Variants in SYNE2 observed in about 807,000 individuals in gnomAD.
SYNE2 encodes the protein spectrin repeat containing nuclear envelope protein 2, also known as nesprin-2.
SYNE2 carries 431 observed loss-of-function variants against 856.3 expected under a neutral mutation model. The observed-to-expected ratio is 0.50, with a 90% CI of 0.47 to 0.55. SYNE2 has a LOEUF of 0.55. Ranked by LOEUF, SYNE2 falls within the 20% of genes least tolerant of loss-of-function variation. The pLI is 0.00. For synonymous variants in SYNE2, 2,923 were observed against 2,872.3 expected (o/e 1.02, Z -0.56); for missense variants, 8,129 against 8,023.2 (o/e 1.01, Z -0.50).
chr14:63,935,126 A>G (rs1408075035), intron 2 of SYNE2, among the ~76,000 whole-genome samples: 2 of 152,144 alleles, frequency 1.3e-5, no homozygotes, highest in Non-Finnish European at 2.9e-5. Context: ...GATTTAGTAT[A>G]GTTTTGAATT....
chr14:64,091,432 G>A (rs1173927097), intron 60 of SYNE2, among the ~76,000 whole-genome samples: 3 of 152,188 alleles, frequency 2.0e-5, no homozygotes, highest in South Asian at 2.1e-4. Flanking sequence ...ATTACCAAAC[G>A]TGATGTAGGT....
At chr14:63,880,907 T>C (rs4902252) in intron 1 of SYNE2, among the ~76,000 whole-genome samples, 93,983 of 150,394 alleles carry the variant, frequency 0.62, 29,458 homozygotes, top group South Asian at 0.72. Flanking sequence ...AGTGCAGTGG[T>C]GCGATGTCGG....
At chr14:63,858,661 T>C (rs1244965259) in intron 1 of SYNE2, among the ~76,000 whole-genome samples, 1 of 152,152 alleles carries the variant, frequency 6.6e-6, no homozygotes, top group Admixed American at 6.5e-5. Flanking sequence ...TTATAACCTA[T>C]CACCTGATAA....
At chr14:64,195,812 G>A (rs1416469432) in intron 99 of SYNE2, among the ~76,000 whole-genome samples, 3 of 152,206 alleles carry the variant, frequency 2.0e-5, no homozygotes, top group Non-Finnish European at 2.9e-5. Flanking sequence ...ACTTGCGTTG[G>A]TCTTAGCAGG....
chr14:63,809,535 G>T (rs375688058), intron 1 of SYNE2, among the ~76,000 whole-genome samples: 2 of 152,258 alleles, frequency 1.3e-5, no homozygotes, highest in Admixed American at 1.3e-4. Context: ...GCTGGAGTGC[G>T]GGGGCATGAT....
At position 64,216,319 on chromosome 14, in the gene SYNE2, C is replaced by A; in HGVS notation, c.19474C>A (p.Gln6492Lys). 4 of 1,614,188 alleles carry A rather than the reference C, an allele frequency of 2.5e-6. No homozygotes were observed. The highest frequency in any genetic ancestry group is 3.4e-6 in the Non-Finnish European group (4 of 1,180,038). Reference protein sequence around the residue: ...SPSCPEHHYKQMEGDRNVPPV... With the variant: ...SPSCPEHHYKKMEGDRNVPPV... Reference sequence around the variant, plus strand: ...TTCCTGTCCCGAGCATCACTACAAGCAAATGGAAGGTGACAGGAATGTTCC... The same window carrying A: ...TTCCTGTCCCGAGCATCACTACAAGAAAATGGAAGGTGACAGGAATGTTCC... Residue 6492 changes from glutamine (Q) to lysine (K), a missense_variant, in exon 108 of 116, where the codon CAA becomes AAA. This residue lies in a region of SYNE2 where 5,410 missense variants were observed against 5,284.8 expected (regional missense o/e 1.02). Coordinates refer to ENST00000555002, the MANE Select transcript of SYNE2 (RefSeq NM_182914.3).
rs370072980 is a variant in SYNE2 at position 64,162,018 on chromosome 14, C to A, written c.16095-54C>A. The A allele has an allele frequency of 2.9e-4, 471 of 1,600,098 alleles. 5 individuals are homozygous for A. In the East Asian group the frequency reaches 4.9e-3, roughly 17 times the overall value. On this transcript the variant is annotated intron_variant, in intron 87 of 115. Coordinates refer to ENST00000555002, the MANE Select transcript of SYNE2 (RefSeq NM_182914.3). ...CAGTAGAGTGTGTGCATTGTACTTT[C>A]GCTACAAGAGAAAGGAGAGAATGAG... is the stretch of plus-strand genomic sequence containing the variant.
chr14:64,162,440 G>T, intron 88 of SYNE2, 164 bp downstream of exon 88: 1 of 757,098 alleles, frequency 1.3e-6, no homozygotes, highest in Non-Finnish European at 2.3e-6. Context: ...AGGACCAGGT[G>T]GTGGCTCAGA....
chr14:63,822,890 T>C (rs1889275805), intron 1 of SYNE2, among the ~76,000 whole-genome samples: 1 of 152,084 alleles, frequency 6.6e-6, no homozygotes, highest in Non-Finnish European at 1.5e-5. Flanking sequence ...GATCACTTGA[T>C]GCCAGGAGTT....
chr14:64,211,760 C>T (rs1332000518), intron 103 of SYNE2, among the ~76,000 whole-genome samples: 1 of 152,182 alleles, frequency 6.6e-6, no homozygotes, highest in Admixed American at 6.5e-5. Flanking sequence ...GTTGAGGGGG[C>T]TTGTTTGGTC....
intron 99 of SYNE2, among the ~76,000 whole-genome samples, chr14:64,201,812 A>T (rs543058946): frequency 1.3e-5 from 2 of 152,166 alleles, no homozygotes; most frequent in Non-Finnish European, 2.9e-5. Flanking sequence ...GCATCTCCCA[A>T]CGTAAGTATT....
chr14:64,211,785 C>G (rs2098642576), intron 103 of SYNE2, among the ~76,000 whole-genome samples, 176 bp from the exon 104 acceptor site: 1 of 152,212 alleles, frequency 6.6e-6, no homozygotes, highest in Non-Finnish European at 1.5e-5. Context: ...AAAGCCAGAA[C>G]CAGACCCCAG....
chr14:63,784,221 G>T (rs1293547515), intron 1 of SYNE2, among the ~76,000 whole-genome samples: 3 of 151,972 alleles, frequency 2.0e-5, no homozygotes, highest in African/African-American at 7.2e-5. Flanking sequence ...GGCCAGGTGC[G>T]GTGGCTCATG....
chr14:64,224,259 G>A (rs2098708031), intron 113 of SYNE2, among the ~76,000 whole-genome samples: 1 of 151,710 alleles, frequency 6.6e-6, no homozygotes, highest in Non-Finnish European at 1.5e-5. Flanking sequence ...GGAGGCTGAG[G>A]TAGAAGGATT....
chr14:64,097,626 G>A (rs1169421817), intron 61 of SYNE2, among the ~76,000 whole-genome samples: 2 of 152,240 alleles, frequency 1.3e-5, no homozygotes, highest in Admixed American at 6.5e-5. Flanking sequence ...CCACTAGAGC[G>A]GTAGCTCCCA....
At chr14:64,191,011 C>T in intron 99 of SYNE2, 1 of 702,262 alleles carries the variant, frequency 1.4e-6, no homozygotes, top group South Asian at 1.5e-5. Context: ...CTTCCACTGG[C>T]CACACGGGTC....
At chr14:64,214,161 G>C in intron 105 of SYNE2, 33 bp from the exon 106 acceptor site, 1 of 1,614,170 alleles carries the variant, frequency 6.2e-7, no homozygotes. Flanking sequence ...CCTATGAGTT[G>C]ATTAATTCTA....
rs534496630 is a variant in SYNE2 at position 64,060,158 on chromosome 14, G to T, written c.10068-2593G>T. Among the ~76,000 whole-genome samples the T allele has an allele frequency of 2.0e-5, 3 of 152,082 alleles. No individual in the cohort carries two copies. The East Asian group carries it at 5.8e-4, about 29-fold the overall frequency. ...ACTCTTCCCCACTGTGGCTTAGCTG[G>T]TACCTAAGCTCAAGACAGTCTCCTT... On this transcript the variant is annotated intron_variant, in intron 49 of 115. Coordinates refer to ENST00000555002, the MANE Select transcript of SYNE2 (RefSeq NM_182914.3).
rs182449286 is a variant in SYNE2, at chr14:64,158,642, C to T, written c.15810C>T (p.Thr5270=). 13 of 1,613,978 alleles carry T rather than the reference C, an allele frequency of 8.1e-6. No homozygotes were observed. The highest frequency in any genetic ancestry group is 3.3e-4 in the Middle Eastern group (2 of 6,062). ...SVLTQVNQLK[T]SMQSVLQEWK... is the part of the protein sequence containing the mutation. ...TTGTCTAGGTCAATCAGCTCAAAAC[C>T]TCCATGCAGTCAGTTTTACAGGAGT... is the stretch of plus-strand genomic sequence containing the variant. Residue 5270 remains threonine (T), a synonymous_variant, in exon 86 of 116, where the codon ACC becomes ACT. Coordinates refer to ENST00000555002, the MANE Select transcript of SYNE2 (RefSeq NM_182914.3).
Sources: gnomAD v4.1 joint callset for allele counts (sites outside exome capture counted in the v4.1 genomes callset) on GRCh38, gnomAD v4.1.1 for gene constraint, gnomAD v4.1.1 regional missense constraint, MANE v1.5 for transcripts, NCBI Gene and HGNC (gene_info 2026-07-23, HGNC 2026-07-21) for gene names.